EYS: variants seen among roughly 807,000 people sequenced by gnomAD.
The protein encoded by EYS is EGF-like photoreceptor maintenance factor.
Under a neutral mutation model 282.1 loss-of-function variants are expected in EYS, and 250 were observed. The ratio of observed to expected loss-of-function variants is 0.89; its 90% confidence interval spans 0.80 to 0.98. The LOEUF is 0.98. EYS is among the 50% of genes least tolerant of loss of function. The pLI is 0.00. For synonymous variants in EYS, 1,355 were observed against 1,282.9 expected (o/e 1.06, Z -1.20); for missense variants, 4,016 against 3,709.0 (o/e 1.08, Z -2.15).
intron 2 of EYS, among the ~76,000 whole-genome samples, chr6:65,571,161 C>G (rs376204296): frequency 6.6e-6 from 1 of 151,978 alleles, no homozygotes; most frequent in Non-Finnish European, 1.5e-5. Flanking sequence ...AAGAGAAAAA[C>G]AAACATGTAT....
chr6:64,184,647 A>G (rs979114493), intron 31 of EYS, among the ~76,000 whole-genome samples: 2 of 152,126 alleles, frequency 1.3e-5, no homozygotes, highest in African/African-American at 4.8e-5. Context: ...AGAAGTAGCT[A>G]AACTATGAAA....
In EYS at chr6:65,559,131, C is replaced by T. The variant is rs952711366; in HGVS notation, c.-332-63138G>A. Among the ~76,000 whole-genome samples, 3 of 152,166 alleles carry T rather than the reference C, an allele frequency of 2.0e-5. No homozygotes were observed. The East Asian group carries it at 5.8e-4, about 29-fold the overall frequency. ...CCTGTAATCCCAACACTTTGAGAGG[C>T]TGATGATGTGGGCAGATCACTTGAG... On this transcript the variant is annotated intron_variant, in intron 2 of 42. Transcript: ENST00000503581.
At chr6:65,533,394 C>G (rs765053002) in intron 2 of EYS, among the ~76,000 whole-genome samples, 1 of 152,116 alleles carries the variant, frequency 6.6e-6, no homozygotes, top group Non-Finnish European at 1.5e-5. Context: ...CAGCAGAATT[C>G]TACCACAGGT....
chr6:64,593,337 T>A (rs1264355310), intron 24 of EYS, 28 bp from the exon 25 acceptor site: 40 of 1,510,624 alleles, frequency 2.6e-5, no homozygotes, highest in Non-Finnish European at 3.5e-5. Flanking sequence ...AGTAATTAAA[T>A]TAAGCTCAGT....
chr6:64,696,294 A>G (rs929332587), intron 22 of EYS, among the ~76,000 whole-genome samples: 1 of 152,198 alleles, frequency 6.6e-6, no homozygotes, highest in Admixed American at 6.5e-5. Flanking sequence ...AAGTCTTTTG[A>G]CTTTATCCAA....
intron 36 of EYS, among the ~76,000 whole-genome samples, chr6:63,856,212 A>G (rs970994964): frequency 6.6e-6 from 1 of 151,972 alleles, no homozygotes; most frequent in Admixed American, 6.6e-5. Flanking sequence ...CCTGCAAGGT[A>G]AAAGTCTCTG....
At chr6:65,055,398 C>T (rs565201452) in intron 13 of EYS, among the ~76,000 whole-genome samples, 9 of 152,100 alleles carry the variant, frequency 5.9e-5, no homozygotes, top group Non-Finnish European at 1.0e-4. Flanking sequence ...ACAGAGAGGT[C>T]CTGTATACTC....
At chr6:64,036,847 T>C (rs964343683) in intron 33 of EYS, among the ~76,000 whole-genome samples, 1 of 152,180 alleles carries the variant, frequency 6.6e-6, no homozygotes, top group African/African-American at 2.4e-5. Context: ...CTTAAGTAAC[T>C]TGCTCTAGAC....
At chr6:65,137,914 T>C (rs1405777867) in intron 12 of EYS, among the ~76,000 whole-genome samples, 1 of 152,114 alleles carries the variant, frequency 6.6e-6, no homozygotes, top group Non-Finnish European at 1.5e-5. Context: ...GAGATAAAAT[T>C]TTGTGTTTAT....
At chr6:64,029,305 T>C (rs1769699775) in intron 33 of EYS, among the ~76,000 whole-genome samples, 2 of 152,204 alleles carry the variant, frequency 1.3e-5, no homozygotes, top group Non-Finnish European at 2.9e-5. Flanking sequence ...ATTGATGTAG[T>C]AGCAAAAGGC....
chr6:64,278,420 A>G (rs1768188237), intron 30 of EYS, among the ~76,000 whole-genome samples: 1 of 152,166 alleles, frequency 6.6e-6, no homozygotes, highest in Non-Finnish European at 1.5e-5. Context: ...GACATATATG[A>G]CAATGATCAT....
At chr6:64,444,479 G>T (rs1775056739) in intron 26 of EYS, among the ~76,000 whole-genome samples, 1 of 152,058 alleles carries the variant, frequency 6.6e-6, no homozygotes, top group Non-Finnish European at 1.5e-5. Flanking sequence ...ATATTATTAA[G>T]ATATGTATTT....
chr6:65,530,960 T>C (rs976308274), intron 2 of EYS, among the ~76,000 whole-genome samples: 4 of 152,140 alleles, frequency 2.6e-5, no homozygotes, highest in Non-Finnish European at 5.9e-5. Context: ...TTTAATATGA[T>C]AGTTAATATA....
rs140264832 is a variant in EYS at position 64,149,681 on chromosome 6, TAGAG to T, written c.6425-67683_6425-67680del. 4.2e-3 allele frequency among the ~76,000 whole-genome samples: 646 copies of T among 152,316 alleles called. 4 individuals carry two copies. The highest frequency in any genetic ancestry group is 0.015 in the African/African-American group (611 of 41,580). ...CCAGTTTATAAATGAGGAACTAAAA[TAGAG>T]AGGTTAAGTAACTCGTACAATGCAC... On this transcript the variant is annotated intron_variant, in intron 31 of 42. Coordinates refer to ENST00000503581, the MANE Select transcript of EYS (RefSeq NM_001142800.2).
intron 28 of EYS, among the ~76,000 whole-genome samples, chr6:64,419,323 G>A (rs548646708): frequency 1.3e-5 from 2 of 152,170 alleles, no homozygotes; most frequent in Admixed American, 1.3e-4. Flanking sequence ...AGAATTATGG[G>A]AACTACAATT....
intron 31 of EYS, among the ~76,000 whole-genome samples, chr6:64,084,609 A>AT (rs1391117252): frequency 6.6e-6 from 1 of 152,192 alleles, no homozygotes; most frequent in East Asian, 1.9e-4. Context: ...AGGTGGACAG[A>AT]TGGGCTGCTG....
intron 22 of EYS, among the ~76,000 whole-genome samples, chr6:64,662,239 G>T (rs1440397937): frequency 1.2e-4 from 14 of 114,434 alleles, no homozygotes; most frequent in Admixed American, 1.0e-3. Context: ...GTTGTGGGGT[G>T]GGGGGAGGGG....
chr6:64,626,374 T>A, intron 22 of EYS, 129 bp from the exon 23 acceptor site: 1 of 1,091,088 alleles, frequency 9.2e-7, no homozygotes. Context: ...GAGCCTTCCT[T>A]GGGGTGACAA....
At chr6:65,254,100 T>C (rs1767397440) in intron 12 of EYS, among the ~76,000 whole-genome samples, 1 of 151,882 alleles carries the variant, frequency 6.6e-6, no homozygotes, top group Non-Finnish European at 1.5e-5. Context: ...TATGCCGAGA[T>C]AACATAGCAT....
Sources: gnomAD v4.1 joint callset for allele counts (sites outside exome capture counted in the v4.1 genomes callset) on GRCh38, gnomAD v4.1.1 for gene constraint, MANE v1.5 for transcripts, NCBI Gene and HGNC (gene_info 2026-07-23, HGNC 2026-07-21) for gene names.